The following FSCN3 variants were observed in gnomAD, a reference collection of about 807,000 sequenced individuals.
FSCN3 encodes the protein fascin actin-bundling protein 3.
A neutral mutation model predicts 53.5 loss-of-function variants in FSCN3; 43 were observed. That is an observed-to-expected ratio of 0.80 (90% CI 0.63 to 1.04). The LOEUF is 1.04. Among genes scored for constraint, FSCN3 ranks in the 50% least tolerant of loss-of-function variants. The probability of loss-of-function intolerance (pLI) is 0.00; values close to 1 mark genes in which losing one functional copy is unlikely to be tolerated. For missense variants in FSCN3, 594 were observed against 646.5 expected (o/e 0.92, Z 0.88); for synonymous variants, 235 against 246.6 (o/e 0.95, Z 0.44).
chr7:127,597,486 T>C (rs571774466), intron 3 of FSCN3, among the ~76,000 whole-genome samples: 1 of 152,090 alleles, frequency 6.6e-6, no homozygotes, highest in African/African-American at 2.4e-5. Context: ...TAGAATTTTT[T>C]TTTTTTTTTT....
intron 2 of FSCN3, 82 bp from the exon 3 acceptor site, chr7:127,596,246 G>A: frequency 2.6e-6 from 4 of 1,537,218 alleles, no homozygotes; most frequent in Admixed American, 1.8e-5. Flanking sequence ...TGAGGAGGGA[G>A]GGACAGAAGC....
rs1431192680 is a variant in FSCN3, at chr7:127,595,585, C to T, written c.423C>T (p.Ala141=). 6.2e-7 allele frequency: 1 copy of T among 1,614,068 alleles called. No homozygotes were observed. The highest frequency in any genetic ancestry group is 8.5e-7 in the Non-Finnish European group (1 of 1,180,028). Residue 141 remains alanine (A), a synonymous_variant, in exon 2 of 7, where the codon GCC becomes GCT. Transcript: ENST00000265825. ...SAYHMWTPRP[A]LHVHVILYSP... is the part of the protein sequence containing the mutation. The stretch of plus-strand genomic sequence containing the variant: ...ACCACATGTGGACCCCCCGACCAGC[C>T]CTCCATGTCCACGTGATCCTCTACA...
chr7:127,593,797 C>T lies in FSCN3; in HGVS notation c.-57C>T. 6.5e-7 allele frequency: 1 copy of T among 1,545,950 alleles called. No individual in the cohort carries two copies. Among genetic ancestry groups the T allele is most frequent in the Non-Finnish European group, 8.7e-7 (1 of 1,143,068 alleles). On this transcript the variant is annotated 5_prime_UTR_variant, in exon 1 of 7. Coordinates refer to ENST00000265825, the MANE Select transcript of FSCN3 (RefSeq NM_020369.3). ...TTCCAGGCCCTATGGCCTGTGGAAC[C>T]TCACCACGGGGGGGAGGGCTGGGCC...
rs760165475 is a variant in FSCN3 at position 127,600,284 on chromosome 7, G to C, written c.1382G>C (p.Gly461Ala). ...FALNFCIELQ[G>A]SNLLTVLAPN... is the part of the protein sequence containing the mutation. ...CTCAACTTCTGTATCGAGCTTCAGGGGAGCAACTTACTCACTGTACTGGCC... is the reference window on the plus strand; with the variant it reads ...CTCAACTTCTGTATCGAGCTTCAGGCGAGCAACTTACTCACTGTACTGGCC... Residue 461 changes from glycine to alanine, a missense_variant, in exon 6 of 7, where the codon GGG becomes GCG. Physicochemically the swap from Gly to Ala is moderately conservative, Grantham distance 60. Coordinates refer to ENST00000265825, the MANE Select transcript of FSCN3 (RefSeq NM_020369.3). 1.2e-6 allele frequency: 2 copies of C among 1,610,454 alleles called. No homozygotes were observed. The highest frequency in any genetic ancestry group is 1.7e-6 in the Non-Finnish European group (2 of 1,176,564).
chr7:127,598,133 AC>A (rs1794418561), intron 3 of FSCN3, among the ~76,000 whole-genome samples: 1 of 152,168 alleles, frequency 6.6e-6, no homozygotes, highest in Non-Finnish European at 1.5e-5. Context: ...TTTAACTTTC[AC>A]TTTTATGCCT....
Position 127,593,766 on chromosome 7 carries a change from G to T in FSCN3, c.-88G>T. 1.4e-6 allele frequency: 2 copies of T among 1,437,900 alleles called. No individual in the cohort carries two copies. Among genetic ancestry groups the T allele is most frequent in the Non-Finnish European group, 9.5e-7 (1 of 1,057,450 alleles). 89.1% of individuals were successfully genotyped at this position (1,437,900 alleles called of 1,614,324 possible). A position where few individuals can be genotyped will look rare whatever the true frequency, so the allele number is the denominator to read the frequency against. On this transcript the variant is annotated 5_prime_UTR_variant, in exon 1 of 7. Transcript: ENST00000265825. ...TGGGAACATCTGGTGGGTACTACAGGCCCTATTCCAGGCCCTATGGCCTGT... is the reference window on the plus strand; with the variant it reads ...TGGGAACATCTGGTGGGTACTACAGTCCCTATTCCAGGCCCTATGGCCTGT...
At position 127,599,537 on chromosome 7, in the gene FSCN3, T is replaced by G. The variant is rs1189073427; in HGVS notation, c.1277T>G (p.Ile426Ser). The G allele has an allele frequency of 1.2e-6, 2 of 1,613,920 alleles. No homozygotes were observed. The highest frequency in any genetic ancestry group is 1.7e-6 in the Non-Finnish European group (2 of 1,179,976). Residue 426 changes from isoleucine (I) to serine (S), a missense_variant, in exon 5 of 7, where the codon ATC becomes AGC. Ile to Ser is a moderately radical substitution (Grantham distance 142). Transcript: ENST00000265825. Reference protein sequence around the residue: ...RIHLLPCRPGIYHFQAQGGSF... With the variant: ...RIHLLPCRPGSYHFQAQGGSF... ...CATCTACTACCCTGCCGACCGGGTA[T>G]CTACCACTTCCAGGGTGAGTGGCTC...
chr7:127,594,637 A>G (rs575276147), intron 1 of FSCN3: 8 of 471,168 alleles, frequency 1.7e-5, no homozygotes, highest in South Asian at 1.1e-4. Context: ...TGCAAAGCCT[A>G]TGTTTCTGTT....
intron 6 of FSCN3, among the ~76,000 whole-genome samples, chr7:127,600,974 A>G (rs1794466156): frequency 6.6e-6 from 1 of 152,066 alleles, no homozygotes; most frequent in South Asian, 2.1e-4. Flanking sequence ...TTCCCTTCCT[A>G]AGGTGATCCT....
chr7:127,599,505 C>A lies in FSCN3; in HGVS notation c.1245C>A (p.Asp415Glu). The A allele has an allele frequency of 1.1e-5, 18 of 1,614,174 alleles. No homozygotes were observed. Among genetic ancestry groups the A allele is most frequent in the Non-Finnish European group, 1.5e-5 (18 of 1,180,022 alleles). The change falls in exon 5 of 7, where the codon GAC (aspartate) becomes GAA (glutamate). Residue 415 changes from aspartate to glutamate, a missense_variant. Transcript: ENST00000265825. ...DLIQCNQDQP[D>E]RIHLLPCRPG... ...TACAGTGCAACCAGGATCAGCCCGA[C>A]CGCATTCATCTACTACCCTGCCGAC...
At position 127,600,273 on chromosome 7, in the gene FSCN3, C is replaced by T. The variant is rs756565313; in HGVS notation, c.1371C>T (p.Ile457=). 119 of 1,608,446 alleles carry T rather than the reference C, an allele frequency of 7.4e-5. No homozygotes were observed. Among genetic ancestry groups the T allele is most frequent in the Middle Eastern group, 1.6e-4 (1 of 6,068 alleles). Residue 457 remains isoleucine (I), a synonymous_variant, in exon 6 of 7, where the codon ATC becomes ATT. Coordinates refer to ENST00000265825, the MANE Select transcript of FSCN3 (RefSeq NM_020369.3). Reference sequence around the variant, plus strand: ...GCAAGTTTGCCCTCAACTTCTGTATCGAGCTTCAGGGGAGCAACTTACTCA... The same window carrying T: ...GCAAGTTTGCCCTCAACTTCTGTATTGAGCTTCAGGGGAGCAACTTACTCA... ...PWGKFALNFC[I]ELQGSNLLTV...
At position 127,596,550 on chromosome 7, in the gene FSCN3, G is replaced by A. The variant is rs1587540983; in HGVS notation, c.960+104G>A. 9.1e-6 allele frequency: 5 copies of A among 546,902 alleles called. No individual in the cohort carries two copies. In the East Asian group the frequency reaches 1.5e-4, roughly 16 times the overall value. 33.9% of individuals were successfully genotyped at this position (546,902 alleles called of 1,614,324 possible). Reference sequence around the variant, plus strand: ...GGCAAATGATGAGAGGATGATGTGGGCTGTGGAGGCACTTGTTGATAAACA... The same window carrying A: ...GGCAAATGATGAGAGGATGATGTGGACTGTGGAGGCACTTGTTGATAAACA... On this transcript the variant is annotated intron_variant, in intron 3 of 6. Transcript: ENST00000265825.
chr7:127,599,063 G>A (rs1409074636), intron 4 of FSCN3, among the ~76,000 whole-genome samples: 2 of 151,974 alleles, frequency 1.3e-5, no homozygotes, highest in Non-Finnish European at 2.9e-5. Flanking sequence ...ACCTCCTTGA[G>A]CCTCAGTTTT....
intron 5 of FSCN3, among the ~76,000 whole-genome samples, chr7:127,599,902 G>A (rs111870873): frequency 1.1e-3 from 169 of 147,508 alleles, no homozygotes; most frequent in African/African-American, 3.7e-3. Context: ...CCAAGATCAC[G>A]CCACAGCACT....
chr7:127,599,465 C>G lies in FSCN3; in HGVS notation c.1205C>G (p.Ser402Trp). 6.2e-7 allele frequency: 1 copy of G among 1,613,990 alleles called. No homozygotes were observed. Among genetic ancestry groups the G allele is most frequent in the Non-Finnish European group, 8.5e-7 (1 of 1,179,904 alleles). ...RGRYGYVGSS[S>W]GHDLIQCNQD... ...CGTTATGGCTATGTGGGCTCCTCATCGGGCCATGACCTCATACAGTGCAAC... is the reference window on the plus strand; with the variant it reads ...CGTTATGGCTATGTGGGCTCCTCATGGGGCCATGACCTCATACAGTGCAAC... Residue 402 changes from serine to tryptophan, a missense_variant, in exon 5 of 7, where the codon TCG becomes TGG. Coordinates refer to ENST00000265825, the MANE Select transcript of FSCN3 (RefSeq NM_020369.3).
At position 127,598,431 on chromosome 7, in the gene FSCN3, C is replaced by T. The variant is rs778025645; in HGVS notation, c.961-4C>T. 2 of 1,613,436 alleles carry T rather than the reference C, an allele frequency of 1.2e-6. No homozygotes were observed. The highest frequency in any genetic ancestry group is 1.3e-5 in the African/African-American group (1 of 75,056). On this transcript the variant is annotated splice_region_variant and splice_polypyrimidine_tract_variant and intron_variant, in intron 3 of 6. Coordinates refer to ENST00000265825, the MANE Select transcript of FSCN3 (RefSeq NM_020369.3). Reference sequence around the variant, plus strand: ...CTCATCTCTGTTTCTGACATTCTTTCCAGAGGCGCCACAGGGCAGTAATGG... The same window carrying T: ...CTCATCTCTGTTTCTGACATTCTTTTCAGAGGCGCCACAGGGCAGTAATGG...
At position 127,595,366 on chromosome 7, in the gene FSCN3, C is replaced by T. The variant is rs1380136517; in HGVS notation, c.204C>T (p.Ser68=). The T allele has an allele frequency of 1.9e-5, 30 of 1,613,972 alleles. No individual in the cohort carries two copies. The Admixed American group carries it at 2.0e-4, about 11-fold the overall frequency. ...CACAGGCCGTGGTGCGACTAAAGAG[C>T]GTGCAGGGCCTCTACCTGCTGTGTG... ...HETQAVVRLK[S]VQGLYLLCEC... is the part of the protein sequence containing the mutation. Residue 68 remains serine (S), a synonymous_variant, in exon 2 of 7, where the codon AGC becomes AGT. Transcript: ENST00000265825.
At chr7:127,596,611 A>C (rs1300104567) in intron 3 of FSCN3, 165 bp downstream of exon 3, 1 of 428,998 alleles carries the variant, frequency 2.3e-6, no homozygotes. Flanking sequence ...TTTAAAAAAA[A>C]AAAACAAAAA....
rs771626125 is a variant in FSCN3 at position 127,598,609 on chromosome 7, C to T, written c.1120+15C>T. On this transcript the variant is annotated intron_variant, in intron 4 of 6. Coordinates refer to ENST00000265825, the MANE Select transcript of FSCN3 (RefSeq NM_020369.3). ...CATCCTTCCAGGTGAGTGGAGCAGC[C>T]TTCCTGCCAGATGATTCCAAGTCAG... 6 of 1,584,192 alleles carry T rather than the reference C, an allele frequency of 3.8e-6. No homozygotes were observed. The highest frequency in any genetic ancestry group is 5.2e-6 in the Non-Finnish European group (6 of 1,161,232).
Sources: allele counts gnomAD v4.1 joint callset (sites outside exome capture counted in the v4.1 genomes callset), GRCh38; gene constraint gnomAD v4.1.1; transcripts MANE v1.5; gene names NCBI Gene and HGNC (gene_info 2026-07-23, HGNC 2026-07-21).